SLC4A4: variants seen among roughly 807,000 people sequenced by gnomAD.
The protein encoded by SLC4A4 is solute carrier family 4 member 4.
In SLC4A4, 27 loss-of-function variants were observed where a neutral mutation model predicts 111.5. That is an observed-to-expected ratio of 0.24 (90% CI 0.18 to 0.33). The LOEUF (loss-of-function observed/expected upper bound fraction) is 0.33, where lower values mean the gene tolerates loss of function less well. SLC4A4 is among the 10% of genes least tolerant of loss of function. The pLI is 1.00. For synonymous variants in SLC4A4, 443 were observed against 463.4 expected (o/e 0.96, Z 0.57); for missense variants, 909 against 1,315.5 (o/e 0.69, Z 4.78).
intron 3 of SLC4A4, among the ~76,000 whole-genome samples, chr4:71,263,202 T>C (rs978738010): frequency 3.3e-5 from 5 of 152,116 alleles, no homozygotes; most frequent in Non-Finnish European, 7.4e-5. Context: ...ACTTTCAATA[T>C]TTTATGTAGT....
chr4:71,415,432 A>T (rs1721746810), intron 7 of SLC4A4, among the ~76,000 whole-genome samples: 1 of 152,194 alleles, frequency 6.6e-6, no homozygotes, highest in African/African-American at 2.4e-5. Flanking sequence ...TATTTCAGGT[A>T]CTGTGCTAGG....
At chr4:71,107,278 A>G (rs1466120500) in intron 2 of SLC4A4, among the ~76,000 whole-genome samples, 3 of 151,982 alleles carry the variant, frequency 2.0e-5, no homozygotes, top group Non-Finnish European at 4.4e-5. Flanking sequence ...CTTGTTTTCT[A>G]TATGTCTTAT....
intron 3 of SLC4A4, among the ~76,000 whole-genome samples, chr4:71,268,854 C>G (rs1176333986): frequency 6.6e-6 from 1 of 152,226 alleles, no homozygotes; most frequent in Non-Finnish European, 1.5e-5. Flanking sequence ...AGGGAACTGA[C>G]TAAGCCGCGT....
chr4:71,356,964 G>A, intron 5 of SLC4A4, 44 bp from the exon 6 acceptor site: 2 of 1,585,032 alleles, frequency 1.3e-6, no homozygotes, highest in Middle Eastern at 1.7e-4. Context: ...TAACTTTGTG[G>A]TCTTGTGACT....
At chr4:71,497,725 G>A in intron 16 of SLC4A4, 33 bp downstream of exon 16, 1 of 1,525,854 alleles carries the variant, frequency 6.6e-7, no homozygotes, top group South Asian at 1.1e-5. Context: ...ATTTTCATTG[G>A]ATTTACACTG....
At chr4:71,482,965 T>C (rs1290704520) in intron 14 of SLC4A4, among the ~76,000 whole-genome samples, 3 of 151,632 alleles carry the variant, frequency 2.0e-5, no homozygotes, top group African/African-American at 7.3e-5. Context: ...CAATATGAAA[T>C]GGGTATAAAA....
chr4:71,161,249 G>A (rs867096796), intron 2 of SLC4A4, among the ~76,000 whole-genome samples: 1 of 152,180 alleles, frequency 6.6e-6, no homozygotes, highest in African/African-American at 2.4e-5. Flanking sequence ...TTTCCCTAAA[G>A]GGAAGTACAG....
intron 1 of SLC4A4, among the ~76,000 whole-genome samples, chr4:71,201,977 T>TGAGTTAACAGA (rs1267202279): frequency 1.3e-5 from 2 of 152,164 alleles, no homozygotes; most frequent in Non-Finnish European, 2.9e-5. Flanking sequence ...AAGCAATCTC[T>TGAGTTAACAGA]GAGTTAACAG....
chr4:71,309,899 A>G (rs751478995), intron 3 of SLC4A4, among the ~76,000 whole-genome samples: 6 of 152,096 alleles, frequency 3.9e-5, no homozygotes, highest in Non-Finnish European at 7.4e-5. Flanking sequence ...CTAAAGAAGC[A>G]TGTTCTAACC....
chr4:71,169,957 C>G (rs1231848030), intron 2 of SLC4A4, among the ~76,000 whole-genome samples: 1 of 152,214 alleles, frequency 6.6e-6, no homozygotes, highest in Admixed American at 6.5e-5. Context: ...TCACTACTCT[C>G]TCTGCTCATT....
chr4:71,105,576 A>G (rs1317584314), intron 2 of SLC4A4, among the ~76,000 whole-genome samples: 5 of 148,138 alleles, frequency 3.4e-5, no homozygotes, highest in African/African-American at 1.3e-4. Flanking sequence ...AAACAGAGAT[A>G]TAGATCAATG....
At chr4:71,482,812 C>T (rs1273426315) in intron 14 of SLC4A4, among the ~76,000 whole-genome samples, 2 of 151,504 alleles carry the variant, frequency 1.3e-5, no homozygotes, top group East Asian at 2.0e-4. Flanking sequence ...AATTCTGTGG[C>T]CACATAAGTC....
chr4:71,151,127 T>C (rs1744302353), intron 2 of SLC4A4, among the ~76,000 whole-genome samples: 1 of 152,218 alleles, frequency 6.6e-6, no homozygotes, highest in African/African-American at 2.4e-5. Flanking sequence ...AAATATTAAA[T>C]TGCCACATGG....
At chr4:71,266,702 T>C (rs1432945489) in intron 3 of SLC4A4, among the ~76,000 whole-genome samples, 2 of 152,196 alleles carry the variant, frequency 1.3e-5, no homozygotes, top group African/African-American at 4.8e-5. Flanking sequence ...GCTTGTAAGC[T>C]TGTCATCATC....
chr4:71,465,455 C>T (rs1727218931), intron 12 of SLC4A4, among the ~76,000 whole-genome samples: 1 of 150,916 alleles, frequency 6.6e-6, no homozygotes, highest in Admixed American at 6.6e-5. Context: ...CCTACAAATA[C>T]ACATGTGCTT....
At chr4:71,106,690 G>A (rs868557034) in intron 2 of SLC4A4, among the ~76,000 whole-genome samples, 6 of 142,604 alleles carry the variant, frequency 4.2e-5, no homozygotes, top group South Asian at 2.3e-4. Flanking sequence ...ACCAAACACC[G>A]CATATTCTCA....
At chr4:71,521,685 T>C (rs1732947411) in intron 16 of SLC4A4, among the ~76,000 whole-genome samples, 1 of 152,164 alleles carries the variant, frequency 6.6e-6, no homozygotes, top group South Asian at 2.1e-4. Flanking sequence ...AGATGTGGTG[T>C]CCCAGACAGT....
chr4:71,328,969 T>C (rs1043079915), intron 3 of SLC4A4, among the ~76,000 whole-genome samples: 18 of 152,198 alleles, frequency 1.2e-4, no homozygotes, highest in African/African-American at 4.1e-4. Flanking sequence ...TTTAAGTCTT[T>C]AATCCATTTT....
At chr4:71,411,378 C>G (rs1721351079) in intron 7 of SLC4A4, among the ~76,000 whole-genome samples, 1 of 152,072 alleles carries the variant, frequency 6.6e-6, no homozygotes, top group Non-Finnish European at 1.5e-5. Context: ...CCCCTCTTGC[C>G]CCCAGTCTTT....
Sources: gnomAD v4.1 joint callset for allele counts (sites outside exome capture counted in the v4.1 genomes callset) on GRCh38, gnomAD v4.1.1 for gene constraint, MANE v1.5 for transcripts, NCBI Gene and HGNC (gene_info 2026-07-23, HGNC 2026-07-21) for gene names.